The following STK32C variants were observed in gnomAD, a reference collection of about 807,000 sequenced individuals.
STK32C encodes serine/threonine kinase 32C.
A neutral mutation model predicts 56.5 loss-of-function variants in STK32C; 31 were observed. The ratio of observed to expected loss-of-function variants is 0.55; its 90% CI spans 0.41 to 0.74. STK32C has a LOEUF of 0.74. Among genes scored for constraint, STK32C ranks in the 30% least tolerant of loss-of-function variants. The pLI, the probability that STK32C is intolerant of heterozygous loss-of-function variation, is 0.00. For synonymous variants in STK32C, 309 were observed against 289.4 expected, an observed-to-expected ratio of 1.07 and a Z score of -0.69; for missense variants, 544 against 676.9, an observed-to-expected ratio of 0.80 and a Z score of 2.18.
chr10:132,307,958 G>A, upstream of STK32C: 4 of 1,032,190 alleles, frequency 3.9e-6, no homozygotes, highest in Non-Finnish European at 4.7e-6. The surrounding 1 kb of genome is among the most constrained non-coding windows in gnomAD (Gnocchi z 4.4). Flanking sequence ...TCTGGGCGGT[G>A]GAACCCGCCC....
chr10:132,319,263 C>A (rs1406270081), downstream of STK32C, among the ~76,000 whole-genome samples: 1 of 152,012 alleles, frequency 6.6e-6, no homozygotes, highest in Non-Finnish European at 1.5e-5. Flanking sequence ...TACAGCTACA[C>A]TGGAAAACAG....
At chr10:132,291,186 C>G (rs1170758272) in intron 1 of STK32C, among the ~76,000 whole-genome samples, 1 of 152,242 alleles carries the variant, frequency 6.6e-6, no homozygotes, top group East Asian at 1.9e-4. Flanking sequence ...GGTGGCTGAG[C>G]TGGCTTGCGC....
intron 10 of STK32C, among the ~76,000 whole-genome samples, chr10:132,221,587 A>ACCCACC (rs1251949213): frequency 7.5e-6 from 1 of 133,560 alleles, no homozygotes; most frequent in African/African-American, 2.9e-5. Flanking sequence ...ACTGACACCG[A>ACCCACC]TACACCTGGG....
At chr10:132,314,349 AC>A (rs1230921317) in intron 1 of STK32C, among the ~76,000 whole-genome samples, 2 of 152,320 alleles carry the variant, frequency 1.3e-5, no homozygotes, top group Non-Finnish European at 2.9e-5. Flanking sequence ...ACTGTGACAG[AC>A]TGAGGGTGGC....
At chr10:132,290,805 C>G (rs545638063) in intron 1 of STK32C, among the ~76,000 whole-genome samples, 1 of 152,248 alleles carries the variant, frequency 6.6e-6, no homozygotes, top group African/African-American at 2.4e-5. Flanking sequence ...CCAGGGCCAT[C>G]ATGCCCAGGG....
In STK32C at chr10:132,228,139, C is replaced by A. The variant is rs1315442369; in HGVS notation, c.319-11G>T. On this transcript the variant is annotated splice_polypyrimidine_tract_variant and intron_variant, in intron 2 of 11. Coordinates refer to ENST00000298630, the MANE Select transcript of STK32C (RefSeq NM_173575.4). ...CTGCACAATGCACACCTGGAGGGCACAGGGCTGTTCGGCAGGACGCCTGAG... is the reference window on the plus strand; with the variant it reads ...CTGCACAATGCACACCTGGAGGGCAAAGGGCTGTTCGGCAGGACGCCTGAG... 2 of 1,613,800 alleles carry A rather than the reference C, an allele frequency of 1.2e-6. No homozygotes were observed. Among genetic ancestry groups the A allele is most frequent in the Admixed American group, 1.7e-5 (1 of 60,004 alleles).
At chr10:132,215,185 A>AT (rs967773910) in intron 10 of STK32C, among the ~76,000 whole-genome samples, 5 of 151,390 alleles carry the variant, frequency 3.3e-5, no homozygotes, top group African/African-American at 9.7e-5. Context: ...CACCCAGATA[A>AT]TTTTTTTTTG....
At chr10:132,292,564 C>T (rs1336954477) in intron 1 of STK32C, among the ~76,000 whole-genome samples, 1 of 152,234 alleles carries the variant, frequency 6.6e-6, no homozygotes, top group Non-Finnish European at 1.5e-5. Context: ...CTCATGCACA[C>T]ACATTCATAT....
At chr10:132,241,769 G>A (rs2063509593) in intron 2 of STK32C, among the ~76,000 whole-genome samples, 1 of 152,146 alleles carries the variant, frequency 6.6e-6, no homozygotes, top group African/African-American at 2.4e-5. Context: ...CCCTCGACGG[G>A]CTGTCCACAA....
intron 1 of STK32C, among the ~76,000 whole-genome samples, chr10:132,270,090 C>A (rs1179926154): frequency 6.6e-6 from 1 of 152,228 alleles, no homozygotes; most frequent in African/African-American, 2.4e-5. Flanking sequence ...GGACTGAGGG[C>A]AGCAGGGGAC....
At chr10:132,298,849 C>A (rs1426855526) in intron 1 of STK32C, among the ~76,000 whole-genome samples, 1 of 152,162 alleles carries the variant, frequency 6.6e-6, no homozygotes, top group African/African-American at 2.4e-5. Context: ...GTGACAGCAG[C>A]CCCAGCTGCC....
chr10:132,220,939 GC>G (rs1445601760), intron 10 of STK32C, among the ~76,000 whole-genome samples: 1 of 152,228 alleles, frequency 6.6e-6, no homozygotes, highest in Non-Finnish European at 1.5e-5. Context: ...TGCCTAGACA[GC>G]CAATTATCAA....
intron 10 of STK32C, 81 bp downstream of exon 10, chr10:132,222,560 T>C: frequency 6.5e-7 from 1 of 1,546,616 alleles, no homozygotes; most frequent in Non-Finnish European, 8.7e-7. Flanking sequence ...CTGCCAGGGG[T>C]CCCCACACGC....
downstream of STK32C, among the ~76,000 whole-genome samples, chr10:132,323,792 G>C (rs147479213): frequency 2.0e-3 from 301 of 152,274 alleles, no homozygotes; most frequent in African/African-American, 6.8e-3. This position sits in a 1 kb window ranked among gnomAD's most constrained non-coding sequence, Gnocchi z 4.8. Context: ...CAGGAAAGAT[G>C]TTTACTTGAC....
intron 1 of STK32C, among the ~76,000 whole-genome samples, chr10:132,274,265 G>A (rs141202786): frequency 1.6e-4 from 24 of 152,268 alleles, no homozygotes; most frequent in African/African-American, 4.6e-4. Flanking sequence ...AGCTGCGCCC[G>A]GATTCAGGAC....
In STK32C at chr10:132,299,668, C is replaced by T. The variant is rs79585869; in HGVS notation, c.262+7904G>A. On this transcript the variant is annotated intron_variant, in intron 1 of 11. Coordinates refer to ENST00000298630, the MANE Select transcript of STK32C (RefSeq NM_173575.4). ...GCAGAGACACCCGTCCCCACTAGGC[C>T]CTGTCCAAATTCCTAGCCCACAGCA... Among the ~76,000 whole-genome samples the T allele has an allele frequency of 1.8e-3, 276 of 152,356 alleles. 2 individuals carry two copies. The highest frequency in any genetic ancestry group is 6.5e-3 in the African/African-American group (269 of 41,582).
intron 1 of STK32C, among the ~76,000 whole-genome samples, chr10:132,268,377 A>G (rs568648369): frequency 9.0e-5 from 13 of 144,582 alleles, no homozygotes; most frequent in African/African-American, 3.4e-4. Context: ...GTCTGTGTGC[A>G]TGCATGTCCC....
chr10:132,234,976 C>T (rs956284667), intron 2 of STK32C, among the ~76,000 whole-genome samples: 4 of 152,312 alleles, frequency 2.6e-5, no homozygotes, highest in East Asian at 1.9e-4. Context: ...ACCAGACACA[C>T]GGTTGGGGAA....
chr10:132,293,296 C>T (rs1406550644), intron 1 of STK32C, among the ~76,000 whole-genome samples: 3 of 152,228 alleles, frequency 2.0e-5, no homozygotes, highest in African/African-American at 4.8e-5. Context: ...CTGAGATGGC[C>T]CAGGGCCAAG....
Sources: gnomAD v4.1 joint callset for allele counts (sites outside exome capture counted in the v4.1 genomes callset) on GRCh38, gnomAD v4.1.1 for gene constraint, Gnocchi (gnomAD v3.1) non-coding constraint, MANE v1.5 for transcripts, NCBI Gene and HGNC (gene_info 2026-07-23, HGNC 2026-07-21) for gene names.